CFAP221: variants seen among roughly 807,000 people sequenced by gnomAD.
CFAP221 encodes the protein cilia- and flagella-associated protein 221.
In CFAP221, 97 loss-of-function variants were observed where a neutral mutation model predicts 113.1. The ratio of observed to expected loss-of-function variants is 0.86; its 90% CI spans 0.73 to 1.02. The LOEUF (loss-of-function observed/expected upper bound fraction) is 1.02, where lower values mean the gene tolerates loss of function less well. CFAP221 is among the 50% of genes least tolerant of loss of function. The probability of loss-of-function intolerance (pLI) is 0.00; values close to 1 mark genes in which losing one functional copy is unlikely to be tolerated. For synonymous variants in CFAP221, 331 were observed against 354.4 expected, an observed-to-expected ratio of 0.93 and a Z score of 0.74; for missense variants, 1,025 against 1,013.4, an observed-to-expected ratio of 1.01 and a Z score of -0.16.
chr2:119,562,498 A>C (rs570699362), intron 6 of CFAP221, among the ~76,000 whole-genome samples: 4 of 152,112 alleles, frequency 2.6e-5, no homozygotes, highest in Non-Finnish European at 4.4e-5. Flanking sequence ...AGCTCCAGAC[A>C]TTAGCCTGGG....
chr2:119,587,510 T>C (rs1683305522), intron 7 of CFAP221, among the ~76,000 whole-genome samples: 1 of 152,202 alleles, frequency 6.6e-6, no homozygotes, highest in African/African-American at 2.4e-5. Context: ...CACCTTATAA[T>C]TCAATTTCAG....
chr2:119,561,030 T>G (rs927143608), intron 5 of CFAP221, among the ~76,000 whole-genome samples: 14 of 152,118 alleles, frequency 9.2e-5, no homozygotes, highest in African/African-American at 3.4e-4. Context: ...GGCTCATGTG[T>G]GTAATCCCTG....
chr2:119,621,053 C>T (rs1162697467), intron 14 of CFAP221, among the ~76,000 whole-genome samples: 4 of 151,818 alleles, frequency 2.6e-5, no homozygotes, highest in African/African-American at 9.7e-5. Context: ...GGAGAAACCC[C>T]GTCTCTACTA....
chr2:119,555,306 G>C (rs1573985833), intron 3 of CFAP221, among the ~76,000 whole-genome samples: 2 of 152,140 alleles, frequency 1.3e-5, no homozygotes, highest in Non-Finnish European at 2.9e-5. Flanking sequence ...GCTCCCAGGG[G>C]AACAGAGATT....
In CFAP221 at chr2:119,594,374, C is replaced by T. The variant is rs561145072; in HGVS notation, c.632-6844C>T. On this transcript the variant is annotated intron_variant, in intron 7 of 23. Transcript: ENST00000413369. ...CCTCAGCCCCCTGAGTAGCTGAGACCACAGGTGTGCACCAACACGCCCGGC... is the reference window on the plus strand; with the variant it reads ...CCTCAGCCCCCTGAGTAGCTGAGACTACAGGTGTGCACCAACACGCCCGGC... Among the ~76,000 whole-genome samples the T allele has an allele frequency of 8.9e-4, 135 of 151,984 alleles. 2 individuals are homozygous for T. Among genetic ancestry groups the T allele is most frequent in the African/African-American group, 3.1e-3 (128 of 41,466 alleles).
At chr2:119,580,316 G>A (rs1682759208) in intron 6 of CFAP221, 2 of 152,100 alleles carry the variant, frequency 1.3e-5, no homozygotes, top group African/African-American at 2.4e-5. Flanking sequence ...TACACTGTAC[G>A]GTGACCCTTA....
intron 21 of CFAP221, among the ~76,000 whole-genome samples, chr2:119,644,496 A>G (rs1687680122): frequency 6.6e-6 from 1 of 152,184 alleles, no homozygotes; most frequent in Admixed American, 6.5e-5. Flanking sequence ...TGGATTCTTT[A>G]TCATGAAGTC....
At chr2:119,653,560 T>C (rs1688255379) in intron 23 of CFAP221, among the ~76,000 whole-genome samples, 1 of 152,180 alleles carries the variant, frequency 6.6e-6, no homozygotes, top group African/African-American at 2.4e-5. Flanking sequence ...TAATCAACAA[T>C]CTGCCAATGA....
At chr2:119,639,742 A>G (rs773647824) in intron 20 of CFAP221, 39 bp from the exon 21 acceptor site, 6 of 1,535,992 alleles carry the variant, frequency 3.9e-6, no homozygotes, top group Non-Finnish European at 5.4e-6. Context: ...ACTTTACCTC[A>G]CCAAACAGTT....
At chr2:119,588,086 A>T (rs890411125) in intron 7 of CFAP221, among the ~76,000 whole-genome samples, 2 of 152,180 alleles carry the variant, frequency 1.3e-5, no homozygotes, top group African/African-American at 4.8e-5. Flanking sequence ...CTAAAAATGA[A>T]GGGAAAATAA....
chr2:119,591,170 G>C (rs777769493), intron 7 of CFAP221, among the ~76,000 whole-genome samples: 1 of 152,130 alleles, frequency 6.6e-6, no homozygotes, highest in Non-Finnish European at 1.5e-5. Context: ...CCATATGCAG[G>C]GTTGGAAAAG....
At position 119,604,868 on chromosome 2, in the gene CFAP221, T is replaced by C; in HGVS notation, c.913-8T>C. 6.2e-7 allele frequency: 1 copy of C among 1,613,824 alleles called. No individual in the cohort carries two copies. Reference sequence around the variant, plus strand: ...CTAACTGATTTCCCTATTGATTTGGTCTCTTAGGAAATTGAGTACCAGAAC... The same window carrying C: ...CTAACTGATTTCCCTATTGATTTGGCCTCTTAGGAAATTGAGTACCAGAAC... On this transcript the variant is annotated splice_polypyrimidine_tract_variant and splice_region_variant and intron_variant, in intron 9 of 23. Transcript: ENST00000413369.
chr2:119,613,687 T>C (rs1437159654), intron 13 of CFAP221, among the ~76,000 whole-genome samples: 2 of 152,200 alleles, frequency 1.3e-5, no homozygotes, highest in Non-Finnish European at 2.9e-5. Context: ...TTTTCCCTCC[T>C]AGGTCTCCAG....
intron 7 of CFAP221, among the ~76,000 whole-genome samples, chr2:119,595,323 G>A (rs141873079): frequency 5.9e-5 from 9 of 152,288 alleles, no homozygotes; most frequent in Non-Finnish European, 1.0e-4. Flanking sequence ...TTGGTTCTCG[G>A]CATGCTCCCA....
chr2:119,562,819 G>A (rs184734010), intron 6 of CFAP221, among the ~76,000 whole-genome samples: 2 of 152,210 alleles, frequency 1.3e-5, no homozygotes, highest in East Asian at 3.9e-4. Flanking sequence ...TTGGTTCCAG[G>A]ACCCCCCACA....
At chr2:119,655,724 G>T (rs1404495433) in intron 23 of CFAP221, among the ~76,000 whole-genome samples, 1 of 152,020 alleles carries the variant, frequency 6.6e-6, no homozygotes, top group East Asian at 1.9e-4. Flanking sequence ...CCACCAAGAG[G>T]CAAGCTGGCC....
chr2:119,659,639 T>C (rs1317587584), downstream of CFAP221, among the ~76,000 whole-genome samples: 7 of 17,818 alleles, frequency 3.9e-4, no homozygotes, highest in Non-Finnish European at 9.1e-4. Context: ...AGGGCTCCCA[T>C]GTGCTCCTCT....
At chr2:119,616,183 A>G (rs1685514207) in intron 14 of CFAP221, among the ~76,000 whole-genome samples, 1 of 152,256 alleles carries the variant, frequency 6.6e-6, no homozygotes, top group Non-Finnish European at 1.5e-5. Flanking sequence ...TAATTACCAT[A>G]TCCATCACTT....
intron 7 of CFAP221, among the ~76,000 whole-genome samples, chr2:119,591,537 A>C (rs1469285296): frequency 3.3e-5 from 5 of 152,262 alleles, no homozygotes; most frequent in African/African-American, 9.6e-5. Context: ...TAAGCACATC[A>C]CATGCACCAT....
Sources: allele counts gnomAD v4.1 joint callset (sites outside exome capture counted in the v4.1 genomes callset), GRCh38; gene constraint gnomAD v4.1.1; transcripts MANE v1.5; gene names NCBI Gene and HGNC (gene_info 2026-07-23, HGNC 2026-07-21).